Variants in CRPPA observed in about 807,000 individuals in gnomAD.
The protein encoded by CRPPA is CDP-L-ribitol pyrophosphorylase A, also known as D-ribitol-5-phosphate cytidylyltransferase.
Under a neutral mutation model 52.0 loss-of-function variants are expected in CRPPA, and 43 were observed. That is an observed-to-expected ratio of 0.83 (90% CI 0.65 to 1.07). The LOEUF (loss-of-function observed/expected upper bound fraction) is 1.07, where lower values mean the gene tolerates loss of function less well. Among genes scored for constraint, CRPPA ranks in the 50% least tolerant of loss-of-function variants. The pLI is 0.00. For synonymous variants in CRPPA, 250 were observed against 203.5 expected, an observed-to-expected ratio of 1.23 and a Z score of -1.94; for missense variants, 629 against 551.7, an observed-to-expected ratio of 1.14 and a Z score of -1.40.
intron 2 of CRPPA, among the ~76,000 whole-genome samples, chr7:16,382,785 G>A (rs1051467049): frequency 7.9e-5 from 12 of 151,942 alleles, no homozygotes; most frequent in South Asian, 6.2e-4. Context: ...TGATCGCATC[G>A]GCTCCTGAGG....
intron 9 of CRPPA, among the ~76,000 whole-genome samples, chr7:16,178,319 A>G (rs1276635122): frequency 6.6e-6 from 1 of 152,136 alleles, no homozygotes; most frequent in East Asian, 1.9e-4. Context: ...GATTGGTAAA[A>G]GTGAGTTATT....
chr7:16,208,380 T>A (rs928318916), intron 9 of CRPPA, among the ~76,000 whole-genome samples: 1 of 152,212 alleles, frequency 6.6e-6, no homozygotes, highest in African/African-American at 2.4e-5. Context: ...GATTTTGCAG[T>A]GTTCTATACT....
chr7:16,351,440 C>T (rs1786149836), intron 3 of CRPPA, among the ~76,000 whole-genome samples: 4 of 152,048 alleles, frequency 2.6e-5, no homozygotes, highest in African/African-American at 9.7e-5. Context: ...AGCTTCTGCA[C>T]AGCAAAAGAA....
chr7:16,402,377 C>A (rs962686154), intron 2 of CRPPA, among the ~76,000 whole-genome samples: 1 of 152,102 alleles, frequency 6.6e-6, no homozygotes, highest in Non-Finnish European at 1.5e-5. Context: ...AAAATCCTTG[C>A]CTCAGAAACA....
chr7:16,310,133 T>C (rs528456653), intron 3 of CRPPA, among the ~76,000 whole-genome samples: 8 of 152,206 alleles, frequency 5.3e-5, no homozygotes, highest in African/African-American at 1.4e-4. Flanking sequence ...ACAAAATGTT[T>C]TGACACTTGT....
chr7:16,421,088 A>C lies in CRPPA; in HGVS notation c.235T>G (p.Tyr79Asp). 7.7e-7 allele frequency: 1 copy of C among 1,296,540 alleles called. No homozygotes were observed. Among genetic ancestry groups the C allele is most frequent in the Non-Finnish European group, 9.8e-7 (1 of 1,015,344 alleles). 80.3% of individuals were successfully genotyped at this position (1,296,540 alleles called of 1,614,324 possible). ...TACCTCTCCAGGGCCTGTAGGGTGT[A>C]GCTGATGAGCGGCCTCTCCAGGATG... is the stretch of plus-strand genomic sequence containing the variant. The part of the protein sequence containing the change: ...CPILERPLIS[Y>D]TLQALERVCW... The change falls in exon 1 of 10, where the codon TAC becomes GAC. Residue 79 changes from tyrosine (Y) to aspartate (D), a missense_variant. Physicochemically the swap from Tyr to Asp is radical, Grantham distance 160 (BLOSUM62 -3). Coordinates refer to ENST00000407010, the MANE Select transcript of CRPPA (RefSeq NM_001101426.4).
chr7:16,122,775 G>C (rs1782503139), intron 9 of CRPPA, among the ~76,000 whole-genome samples: 1 of 152,048 alleles, frequency 6.6e-6, no homozygotes, highest in South Asian at 2.1e-4. Flanking sequence ...GGAAGAAAGG[G>C]TGGGAGAAGT....
At chr7:16,140,695 A>G (rs374548647) in intron 9 of CRPPA, among the ~76,000 whole-genome samples, 11 of 152,240 alleles carry the variant, frequency 7.2e-5, no homozygotes, top group African/African-American at 2.6e-4. Flanking sequence ...TCAGGTTTGA[A>G]TTTTTTGCAG....
intron 9 of CRPPA, among the ~76,000 whole-genome samples, chr7:16,208,715 A>G (rs928404167): frequency 7.2e-5 from 11 of 152,206 alleles, no homozygotes; most frequent in South Asian, 2.1e-4. Context: ...GAATAAGTGT[A>G]TATCACCCAT....
intron 9 of CRPPA, among the ~76,000 whole-genome samples, chr7:16,189,077 T>C (rs2128389901): frequency 6.6e-6 from 1 of 152,258 alleles, no homozygotes; most frequent in Non-Finnish European, 1.5e-5. Flanking sequence ...AAGACTCTGG[T>C]AGATATAAAC....
chr7:16,362,298 G>A (rs947291842), intron 3 of CRPPA, among the ~76,000 whole-genome samples: 9 of 152,206 alleles, frequency 5.9e-5, no homozygotes, highest in Non-Finnish European at 4.4e-5. Flanking sequence ...CAGCAGATTT[G>A]ATGTCTGGGG....
chr7:16,306,106 T>C (rs1427488423), intron 4 of CRPPA, among the ~76,000 whole-genome samples: 1 of 152,188 alleles, frequency 6.6e-6, no homozygotes, highest in Non-Finnish European at 1.5e-5. Context: ...CTGTGTCTCT[T>C]CTATTCTTGT....
intron 5 of CRPPA, among the ~76,000 whole-genome samples, chr7:16,298,078 C>G (rs1784711243): frequency 6.6e-6 from 1 of 152,104 alleles, no homozygotes; most frequent in African/African-American, 2.4e-5. Context: ...TCTCTCTTTC[C>G]TATGCCCAGA....
intron 9 of CRPPA, among the ~76,000 whole-genome samples, chr7:16,146,198 C>A (rs536097461): frequency 2.5e-4 from 37 of 150,972 alleles, no homozygotes; most frequent in African/African-American, 9.0e-4. Flanking sequence ...TTTTAAACCT[C>A]CAACAAACCA....
chr7:16,389,043 G>C (rs536092427), intron 2 of CRPPA, among the ~76,000 whole-genome samples: 1 of 152,098 alleles, frequency 6.6e-6, no homozygotes, highest in African/African-American at 2.4e-5. Context: ...TTCCTAGAAA[G>C]ACAATTAACC....
At chr7:16,115,576 G>GGTTT (rs1782353870) in intron 9 of CRPPA, among the ~76,000 whole-genome samples, 1 of 152,158 alleles carries the variant, frequency 6.6e-6, no homozygotes, top group Non-Finnish European at 1.5e-5. Flanking sequence ...CACCCTTAGT[G>GGTTT]CTCAGGATCT....
intron 3 of CRPPA, among the ~76,000 whole-genome samples, chr7:16,348,200 T>A (rs1485984023): frequency 6.6e-6 from 1 of 152,200 alleles, no homozygotes; most frequent in African/African-American, 2.4e-5. Flanking sequence ...TCCAAGTCTA[T>A]TAATTTATCC....
chr7:16,116,888 C>A (rs1416496826), intron 9 of CRPPA, among the ~76,000 whole-genome samples: 1 of 152,112 alleles, frequency 6.6e-6, no homozygotes, highest in Non-Finnish European at 1.5e-5. Context: ...TGTTAACCAC[C>A]TGACAGGGAC....
At chr7:16,250,309 T>C (rs1254847145) in intron 8 of CRPPA, among the ~76,000 whole-genome samples, 2 of 152,086 alleles carry the variant, frequency 1.3e-5, no homozygotes, top group Non-Finnish European at 2.9e-5. Flanking sequence ...TGCAGGATAT[T>C]AATCAGGAGA....
Sources: allele counts gnomAD v4.1 joint callset (sites outside exome capture counted in the v4.1 genomes callset), GRCh38; gene constraint gnomAD v4.1.1; transcripts MANE v1.5; gene names NCBI Gene and HGNC (gene_info 2026-07-23, HGNC 2026-07-21).